CACNA1B: variants seen among roughly 807,000 people sequenced by gnomAD.
The protein encoded by CACNA1B is calcium voltage-gated channel subunit alpha1 B.
CACNA1B carries 70 observed loss-of-function variants against 247.2 expected under a neutral mutation model. The observed-to-expected ratio is 0.28, with a 90% confidence interval of 0.23 to 0.35. CACNA1B has a LOEUF of 0.35. CACNA1B is among the 10% of genes least tolerant of loss of function. The pLI is 1.00. For missense variants in CACNA1B, 2,367 were observed against 3,197.4 expected (o/e 0.74, Z 6.26); for synonymous variants, 1,231 against 1,294.4 (o/e 0.95, Z 1.05).
At position 137,893,449 on chromosome 9, in the gene CACNA1B, G is replaced by A. The variant is rs1189241679; in HGVS notation, c.530+10566G>A. Among the ~76,000 whole-genome samples the A allele has an allele frequency of 2.7e-5, 4 of 150,000 alleles. No individual in the cohort carries two copies. In the East Asian group the frequency reaches 5.9e-4, roughly 22 times the overall value. The stretch of plus-strand genomic sequence containing the variant: ...GCAGATCACGAGGTCAGGAGTTCGA[G>A]ACCAGCCTGACCAACATGGTGAAAC... On this transcript the variant is annotated intron_variant, in intron 3 of 46. Transcript: ENST00000371372.
intron 20 of CACNA1B, among the ~76,000 whole-genome samples, chr9:138,039,910 CTTGA>C (rs1436894557): frequency 2.4e-4 from 36 of 152,150 alleles, no homozygotes; most frequent in Non-Finnish European, 4.6e-4. Flanking sequence ...TAATATTTTG[CTTGA>C]TTGATCTGTC....
intron 6 of CACNA1B, among the ~76,000 whole-genome samples, chr9:137,948,074 A>G (rs996230737): frequency 2.2e-5 from 3 of 136,588 alleles, no homozygotes; most frequent in Non-Finnish European, 4.5e-5. Flanking sequence ...TCCGCCTCCC[A>G]AGCTCAAGCG....
Position 138,012,245 on chromosome 9 carries a change from C to G in CACNA1B, c.2161-884C>G, listed in dbSNP as rs1958733783. Among the ~76,000 whole-genome samples, 1 of 152,182 alleles carries G rather than the reference C, an allele frequency of 6.6e-6. No individual in the cohort carries two copies. Among genetic ancestry groups the G allele is most frequent in the Non-Finnish European group, 1.5e-5 (1 of 68,034 alleles). On this transcript the variant is annotated intron_variant, in intron 17 of 46. Transcript: ENST00000371372. The surrounding 1 kb of genome is among the most constrained non-coding windows in gnomAD (Gnocchi z 4.2). The stretch of plus-strand genomic sequence containing the variant: ...TCTGCTGGCTCCAGGCAGAAAAGCT[C>G]AAAGATGGTGCGTGGCCCCACTGGA...
rs557046836 is a variant in CACNA1B, at chr9:137,986,247, T to G, written c.1770-166T>G. Among the ~76,000 whole-genome samples the G allele has an allele frequency of 3.3e-5, 5 of 152,214 alleles. No individual in the cohort carries two copies. The South Asian group carries it at 8.3e-4, about 25-fold the overall frequency. ...CCCATGGGGCCCTCAGGGAGAGAAG[T>G]CCAGGGTAGTGGGCCTGAAACTCCA... On this transcript the variant is annotated intron_variant, in intron 13 of 46. Transcript: ENST00000371372. The surrounding 1 kb of genome is among the most constrained non-coding windows in gnomAD (Gnocchi z 6.0).
At position 138,023,290 on chromosome 9, in the gene CACNA1B, C is replaced by T; in HGVS notation, c.2547C>T (p.Arg849=). The change falls in exon 19 of 47, where the codon CGC becomes CGT. Residue 849 remains arginine (R), a synonymous_variant. Coordinates refer to ENST00000371372, the MANE Select transcript of CACNA1B (RefSeq NM_000718.4). ...AEAPEGVDPP[R]RHHRHRDKDK... is the part of the protein sequence containing the mutation. The stretch of plus-strand genomic sequence containing the variant: ...CCCCCGAGGGCGTCGACCCTCCGCG[C>T]AGGCACCACCGGCACCGCGACAAGG... 1.3e-6 allele frequency: 2 copies of T among 1,516,040 alleles called. No individual in the cohort carries two copies. Among genetic ancestry groups the T allele is most frequent in the Non-Finnish European group, 1.8e-6 (2 of 1,140,070 alleles). 93.9% of individuals were successfully genotyped at this position (1,516,040 alleles called of 1,614,324 possible). A position where few individuals can be genotyped will look rare whatever the true frequency, so the allele number is the denominator to read the frequency against.
At chr9:137,897,080 T>C (rs1032622314) in intron 3 of CACNA1B, among the ~76,000 whole-genome samples, 9 of 152,178 alleles carry the variant, frequency 5.9e-5, no homozygotes, top group South Asian at 2.1e-4. Context: ...CAGTTTTTTT[T>C]CCCAGAGAGC....
intron 11 of CACNA1B, among the ~76,000 whole-genome samples, chr9:137,972,183 C>T (rs887205163): frequency 6.6e-6 from 1 of 152,248 alleles, no homozygotes; most frequent in Admixed American, 6.5e-5. Context: ...CCAGGATGGG[C>T]CCCTCCAGGC....
At chr9:137,927,966 T>A (rs2133300435) in intron 6 of CACNA1B, among the ~76,000 whole-genome samples, 1 of 152,348 alleles carries the variant, frequency 6.6e-6, no homozygotes, top group South Asian at 2.1e-4. Context: ...AGCCTTGCAT[T>A]CCCAGAATAA....
intron 10 of CACNA1B, among the ~76,000 whole-genome samples, chr9:137,961,156 G>A (rs897829215): frequency 1.3e-5 from 2 of 151,722 alleles, no homozygotes; most frequent in Non-Finnish European, 2.9e-5. Flanking sequence ...TTTTTTTGTG[G>A]CAATTGCAAA....
At chr9:137,903,171 CAA>C (rs371100219) in intron 3 of CACNA1B, among the ~76,000 whole-genome samples, 36 of 152,136 alleles carry the variant, frequency 2.4e-4, no homozygotes, top group African/African-American at 8.2e-4. Context: ...ATCACGGGGT[CAA>C]GAGATCGAGA....
chr9:137,886,767 C>T (rs1220840864), intron 3 of CACNA1B, among the ~76,000 whole-genome samples: 1 of 152,038 alleles, frequency 6.6e-6, no homozygotes, highest in Non-Finnish European at 1.5e-5. Context: ...CCCCAGAGAG[C>T]AGTCGGCAGG....
chr9:137,893,087 G>A (rs1957125699), intron 3 of CACNA1B, among the ~76,000 whole-genome samples: 1 of 152,184 alleles, frequency 6.6e-6, no homozygotes, highest in Non-Finnish European at 1.5e-5. Flanking sequence ...CACCCTCCCA[G>A]GAGGTGCCTT....
rs745689211 is a variant in CACNA1B, at chr9:138,102,692, C to T, written c.5223-19C>T. 53 of 1,572,098 alleles carry T rather than the reference C, an allele frequency of 3.4e-5. No individual in the cohort carries two copies. The Admixed American group carries it at 4.4e-4, about 13-fold the overall frequency. On this transcript the variant is annotated intron_variant, in intron 37 of 46. Transcript: ENST00000371372. The surrounding 1 kb of genome is among the most constrained non-coding windows in gnomAD (Gnocchi z 5.4). The stretch of plus-strand genomic sequence containing the variant: ...GGACCACCCCACTGTGCCCTGGCCT[C>T]GCTGGGACGGGTTTCCAGTGGGCGC...
intron 6 of CACNA1B, among the ~76,000 whole-genome samples, chr9:137,920,109 G>A (rs1957460656): frequency 6.6e-6 from 1 of 152,208 alleles, no homozygotes; most frequent in South Asian, 2.1e-4. Context: ...TCCACTGAAA[G>A]CAACCAGCTG....
intron 20 of CACNA1B, among the ~76,000 whole-genome samples, chr9:138,030,807 A>C (rs779849803): frequency 6.6e-6 from 1 of 152,168 alleles, no homozygotes; most frequent in Non-Finnish European, 1.5e-5. Context: ...TTTATGAGGA[A>C]TTAGTCCCTT....
At chr9:138,116,951 C>T (rs980163175) in intron 42 of CACNA1B, among the ~76,000 whole-genome samples, 2 of 152,192 alleles carry the variant, frequency 1.3e-5, no homozygotes, top group Admixed American at 6.5e-5. Context: ...CCAGCAACCA[C>T]CAGTGTGTCC....
At chr9:138,103,052 C>T (rs977161008) in intron 38 of CACNA1B, among the ~76,000 whole-genome samples, 3 of 152,092 alleles carry the variant, frequency 2.0e-5, no homozygotes, top group Non-Finnish European at 4.4e-5. Context: ...TGAGCTGCCC[C>T]CTTTGAGAGC....
intron 3 of CACNA1B, among the ~76,000 whole-genome samples, chr9:137,886,976 G>A (rs1385384753): frequency 6.6e-6 from 1 of 150,722 alleles, no homozygotes; most frequent in East Asian, 2.0e-4. Context: ...GGACATGGGT[G>A]TCCCAGTCAT....
rs1387485786 is a variant in CACNA1B at position 137,975,883 on chromosome 9, C to T, written c.1544-24C>T. 5 of 1,445,058 alleles carry T rather than the reference C, an allele frequency of 3.5e-6. No homozygotes were observed. In the Admixed American group the frequency reaches 6.9e-5, roughly 20 times the overall value. The allele number at this position is 1,445,058 out of a possible 1,614,324, so 89.5% of individuals were successfully genotyped here. A position where few individuals can be genotyped will look rare whatever the true frequency, so the allele number is the denominator to read the frequency against. On this transcript the variant is annotated intron_variant, in intron 11 of 46. Coordinates refer to ENST00000371372, the MANE Select transcript of CACNA1B (RefSeq NM_000718.4). ...AGTGGGAGGAGGCCTCGAGCTAATC[C>T]CCCTCTTCTCCGGCTTCTCCTAGAT...
Sources: allele counts gnomAD v4.1 joint callset (sites outside exome capture counted in the v4.1 genomes callset), GRCh38; gene constraint gnomAD v4.1.1; non-coding constraint Gnocchi (gnomAD v3.1); transcripts MANE v1.5; gene names NCBI Gene and HGNC (gene_info 2026-07-23, HGNC 2026-07-21).